ZNF69: variants seen among roughly 807,000 people sequenced by gnomAD.
ZNF69 encodes the protein ZNF3.
Under a neutral mutation model 50.9 loss-of-function variants are expected in ZNF69, and 47 were observed. The ratio of observed to expected loss-of-function variants is 0.92; its 90% CI spans 0.73 to 1.18. The LOEUF (loss-of-function observed/expected upper bound fraction) is 1.18. ZNF69 is among the 50% of genes most tolerant of loss of function. ZNF69 has a pLI of 0.00. For missense variants in ZNF69, 717 were observed against 675.1 expected (o/e 1.06, Z -0.69); for synonymous variants, 216 against 223.1 (o/e 0.97, Z 0.29).
chr19:11,922,701 T>C, the ZNF69 span, among the ~76,000 whole-genome samples: 1 of 152,120 alleles, frequency 6.6e-6, no homozygotes, highest in Non-Finnish European at 1.5e-5. Flanking sequence ...AGGCCAAGCC[T>C]CTTATGTGGC....
chr19:11,977,966 T>C, the ZNF69 span: 130 of 934,478 alleles, frequency 1.4e-4, no homozygotes, highest in Non-Finnish European at 2.0e-4. Flanking sequence ...TATGTCACCT[T>C]GTAGAACATG....
the ZNF69 span, chr19:11,964,902 C>A: frequency 5.0e-6 from 2 of 398,918 alleles, no homozygotes; most frequent in Admixed American, 4.0e-5. Context: ...TCAAGTCAGT[C>A]TGGCTCTGCC....
intron 1 of ZNF69, among the ~76,000 whole-genome samples, chr19:11,890,581 C>T (rs1042208370): frequency 1.3e-5 from 2 of 152,112 alleles, no homozygotes; most frequent in Admixed American, 6.5e-5. Context: ...GACACAGTAA[C>T]AATCTGATCT....
chr19:11,905,246 A>G lies in ZNF69; in HGVS notation c.849A>G (p.Lys283=). 1 of 1,614,174 alleles carries G rather than the reference A, an allele frequency of 6.2e-7. No homozygotes were observed. The highest frequency in any genetic ancestry group is 8.5e-7 in the Non-Finnish European group (1 of 1,180,036). ...CTTATGAATGTCAGCAATGTGGGAA[A>G]GCATTTCATAGTCCCAGATGCTATC... ...EKPYECQQCG[K]AFHSPRCYRR... The change falls in exon 4 of 4, where the codon AAA becomes AAG. Residue 283 remains lysine (K), a synonymous_variant. Coordinates refer to ENST00000429654, the MANE Select transcript of ZNF69 (RefSeq NM_001364730.1).
At chr19:11,962,410 G>A in the ZNF69 span, among the ~76,000 whole-genome samples, 1 of 152,194 alleles carries the variant, frequency 6.6e-6, no homozygotes, top group African/African-American at 2.4e-5. Context: ...TGTTTCCCAG[G>A]CTGGAGTGCA....
the ZNF69 span, among the ~76,000 whole-genome samples, chr19:11,946,033 A>T: frequency 6.6e-6 from 1 of 152,116 alleles, no homozygotes; most frequent in Admixed American, 6.5e-5. Flanking sequence ...AAGAAACTCT[A>T]TGTCCTTGTC....
At chr19:11,913,529 C>T (rs1472366303) in exon 5 of ZNF69, 2 of 408,546 alleles carry the variant, frequency 4.9e-6, no homozygotes, top group Non-Finnish European at 9.0e-6. Flanking sequence ...GCTGGGACTA[C>T]AGGCATGCAC....
the ZNF69 span, among the ~76,000 whole-genome samples, chr19:11,923,408 T>A: frequency 3.9e-5 from 6 of 152,258 alleles, no homozygotes; most frequent in African/African-American, 1.4e-4. Flanking sequence ...CAGCACCCCG[T>A]CCCATGGAAG....
chr19:11,964,658 G>T, the ZNF69 span, among the ~76,000 whole-genome samples: 4 of 152,220 alleles, frequency 2.6e-5, no homozygotes, highest in Admixed American at 6.5e-5. Context: ...GCCTGGCCTG[G>T]TCTCGGTTCC....
chr19:11,940,208 G>A, the ZNF69 span, among the ~76,000 whole-genome samples: 1 of 152,144 alleles, frequency 6.6e-6, no homozygotes, highest in Non-Finnish European at 1.5e-5. Flanking sequence ...GGGCTTATAG[G>A]CATGAGCCAC....
the ZNF69 span, among the ~76,000 whole-genome samples, chr19:11,964,450 T>G: frequency 6.6e-6 from 1 of 152,198 alleles, no homozygotes; most frequent in African/African-American, 2.4e-5. Flanking sequence ...AAAGGGTTCA[T>G]GAAGTTGACA....
chr19:11,906,138 G>T lies in ZNF69; in HGVS notation c.*40G>T. 1.9e-6 allele frequency: 3 copies of T among 1,593,462 alleles called. No homozygotes were observed. Among genetic ancestry groups the T allele is most frequent in the African/African-American group, 1.4e-5 (1 of 73,818 alleles). Reference sequence around the variant, plus strand: ...ATCTGCCTCACACCTTTGAATGCATGGTAGGACACACAATCAAGAGAAACC... The same window carrying T: ...ATCTGCCTCACACCTTTGAATGCATTGTAGGACACACAATCAAGAGAAACC... On this transcript the variant is annotated 3_prime_UTR_variant, in exon 4 of 4. Transcript: ENST00000429654.
chr19:11,929,499 A>G, the ZNF69 span, among the ~76,000 whole-genome samples: 1 of 148,240 alleles, frequency 6.7e-6, no homozygotes, highest in Non-Finnish European at 1.5e-5. Context: ...TAGGTAGAAA[A>G]TTTCTAGGTA....
chr19:11,958,687 C>T, the ZNF69 span, among the ~76,000 whole-genome samples: 1 of 152,130 alleles, frequency 6.6e-6, no homozygotes, highest in African/African-American at 2.4e-5. Context: ...GCCAGCCTGG[C>T]CTGTGTCTCC....
chr19:11,904,109 G>A (rs1972309569), intron 3 of ZNF69, 144 bp downstream of exon 3: 3 of 1,147,786 alleles, frequency 2.6e-6, no homozygotes, highest in Non-Finnish European at 3.6e-6. Flanking sequence ...ATATATAAAT[G>A]TGACCTAGGC....
At chr19:11,947,881 A>T in the ZNF69 span, among the ~76,000 whole-genome samples, 1,915 of 152,184 alleles carry the variant, frequency 0.013, 22 homozygotes, top group South Asian at 0.024. Flanking sequence ...GTGTGTATGC[A>T]TCGGTAGTCC....
the ZNF69 span, chr19:11,949,523 G>A: frequency 6.2e-7 from 1 of 1,611,098 alleles, no homozygotes; most frequent in South Asian, 1.1e-5. Context: ...AAACACATAA[G>A]AATGCCCTCT....
chr19:11,905,292 A>G lies in ZNF69; in HGVS notation c.895A>G (p.Thr299Ala), dbSNP rs1298445598. Reference sequence around the variant, plus strand: ...CTATCGTAGACATGAAAGGATTCACACGGGAGAGAAGGCTTATCAATGTAA... The same window carrying G: ...CTATCGTAGACATGAAAGGATTCACGCGGGAGAGAAGGCTTATCAATGTAA... ...RCYRRHERIH[T>A]GEKAYQCKEC... Residue 299 changes from threonine to alanine, a missense_variant, in exon 4 of 4, where the codon ACG becomes GCG. By Grantham distance (58) the Thr-to-Ala change is moderately conservative. Coordinates refer to ENST00000429654, the MANE Select transcript of ZNF69 (RefSeq NM_001364730.1). 4 of 1,614,068 alleles carry G rather than the reference A, an allele frequency of 2.5e-6. No homozygotes were observed. The highest frequency in any genetic ancestry group is 1.6e-4 in the Middle Eastern group (1 of 6,084).
chr19:11,949,122 A>C, the ZNF69 span: 1 of 1,612,458 alleles, frequency 6.2e-7, no homozygotes, highest in Non-Finnish European at 8.5e-7. Flanking sequence ...AATGTAAGAT[A>C]TGTGGGAAAG....
Sources: allele counts gnomAD v4.1 joint callset (sites outside exome capture counted in the v4.1 genomes callset), GRCh38; gene constraint gnomAD v4.1.1; transcripts MANE v1.5; gene names NCBI Gene and HGNC (gene_info 2026-07-23, HGNC 2026-07-21).